ASMTL: variants seen among roughly 807,000 people sequenced by gnomAD.
The protein encoded by ASMTL is probable bifunctional dTTP/UTP pyrophosphatase/methyltransferase protein.
A neutral mutation model predicts 60.3 loss-of-function variants in ASMTL; 57 were observed. The observed-to-expected ratio is 0.95, with a 90% CI of 0.76 to 1.18. ASMTL has a LOEUF of 1.18. ASMTL is among the 50% of genes most tolerant of loss of function. The pLI is 0.00. For missense variants in ASMTL, 981 were observed against 852.6 expected (o/e 1.15, Z -1.88); for synonymous variants, 419 against 373.0 (o/e 1.12, Z -1.42).
At chrX:1,404,621 G>A (rs1446349737) in intron 12 of ASMTL, among the ~76,000 whole-genome samples, 5 of 149,742 alleles carry the variant, frequency 3.3e-5, no homozygotes, top group African/African-American at 7.6e-5. Flanking sequence ...GTAGGTAGAC[G>A]AATGGACGGA....
chrX:1,426,500 G>A (rs1206866238), intron 7 of ASMTL, among the ~76,000 whole-genome samples: 1 of 152,174 alleles, frequency 6.6e-6, no homozygotes, highest in African/African-American at 2.4e-5. Flanking sequence ...CTGGTGTTGG[G>A]AGGGCTGCAT....
At chrX:1,425,413 G>T in intron 8 of ASMTL, 112 bp downstream of exon 8, 1 of 1,232,632 alleles carries the variant, frequency 8.1e-7, no homozygotes. Flanking sequence ...TGAGGGCAGA[G>T]GGACAGAAGG....
chrX:1,429,100 G>C (rs2090700200), intron 6 of ASMTL, among the ~76,000 whole-genome samples: 2 of 151,612 alleles, frequency 1.3e-5, no homozygotes, highest in African/African-American at 4.8e-5. Context: ...TCACCATGTT[G>C]GCCACGATGG....
intron 6 of ASMTL, among the ~76,000 whole-genome samples, chrX:1,428,948 G>A (rs2090696298): frequency 1.3e-5 from 2 of 151,256 alleles, no homozygotes; most frequent in South Asian, 4.2e-4. Flanking sequence ...CCAGGCTGGA[G>A]TGCAGTGGCG....
intron 8 of ASMTL, among the ~76,000 whole-genome samples, chrX:1,423,882 A>T (rs2090541359): frequency 6.7e-6 from 1 of 150,040 alleles, no homozygotes. Context: ...CCACTCATCC[A>T]TCCATCCACC....
chrX:1,446,413 C>T (rs1417392101), intron 1 of ASMTL, among the ~76,000 whole-genome samples: 1 of 151,954 alleles, frequency 6.6e-6, no homozygotes, highest in Non-Finnish European at 1.5e-5. Context: ...ATCTCTTTGT[C>T]TTGTGTCTTT....
chrX:1,419,232 C>G, intron 9 of ASMTL, 118 bp from the exon 10 acceptor site: 1 of 1,179,478 alleles, frequency 8.5e-7, no homozygotes, highest in Non-Finnish European at 1.2e-6. Context: ...CTCAGCCGCG[C>G]CTGGGCTGCA....
At chrX:1,423,090 C>T (rs1313217889) in intron 8 of ASMTL, among the ~76,000 whole-genome samples, 2 of 152,058 alleles carry the variant, frequency 1.3e-5, no homozygotes, top group East Asian at 3.9e-4. Flanking sequence ...GTAGCTGGGA[C>T]TACAGGCACC....
At chrX:1,450,426 C>T (rs377645124) in intron 1 of ASMTL, among the ~76,000 whole-genome samples, 6 of 151,280 alleles carry the variant, frequency 4.0e-5, no homozygotes, top group African/African-American at 1.5e-4. Context: ...CACTCCCCTC[C>T]CCCACCCCTA....
chrX:1,449,834 C>T (rs756242369), intron 1 of ASMTL, among the ~76,000 whole-genome samples: 2 of 148,904 alleles, frequency 1.3e-5, no homozygotes, highest in South Asian at 2.2e-4. Context: ...CCTCCCATCA[C>T]CAGTAACTAT....
chrX:1,448,582 C>T (rs1233578397), intron 1 of ASMTL, among the ~76,000 whole-genome samples: 1 of 151,016 alleles, frequency 6.6e-6, no homozygotes, highest in South Asian at 2.1e-4. Context: ...TGGACACACA[C>T]CATCTTGGAC....
intron 12 of ASMTL, among the ~76,000 whole-genome samples, chrX:1,405,071 GA>G (rs1341505284): frequency 6.6e-6 from 1 of 151,786 alleles, no homozygotes; most frequent in Non-Finnish European, 1.5e-5. Context: ...TGAATGGATG[GA>G]TAGATGGATG....
intron 11 of ASMTL, chrX:1,413,872 G>C (rs1183512148): frequency 6.6e-6 from 1 of 151,564 alleles, no homozygotes; most frequent in Non-Finnish European, 1.5e-5. Context: ...GGAGCTGGAA[G>C]AGGCGGGAAG....
At chrX:1,440,077 A>G (rs1569534499) in intron 2 of ASMTL, among the ~76,000 whole-genome samples, 1 of 146,702 alleles carries the variant, frequency 6.8e-6, no homozygotes, top group Non-Finnish European at 1.5e-5. Flanking sequence ...CCTCTAATGT[A>G]TTTCTTTCTT....
At chrX:1,404,684 G>GGGCA (rs1729748900) in intron 12 of ASMTL, among the ~76,000 whole-genome samples, 17 of 9,262 alleles carry the variant, frequency 1.8e-3, no homozygotes, top group African/African-American at 2.3e-3. Flanking sequence ...GGTAGATGAT[G>GGGCA]GGTAGGTAGA....
intron 9 of ASMTL, 93 bp downstream of exon 9, chrX:1,421,561 GAGAC>G: frequency 1.5e-6 from 2 of 1,327,356 alleles, no homozygotes; most frequent in Non-Finnish European, 2.1e-6. Context: ...TGTCAGACTG[GAGAC>G]AGACTGGTCA....
chrX:1,451,959 GC>G (rs1344850780), intron 1 of ASMTL, among the ~76,000 whole-genome samples: 2 of 148,784 alleles, frequency 1.3e-5, no homozygotes, highest in African/African-American at 2.5e-5. Context: ...CATGCCTAGG[GC>G]GTCCTGGGTT....
intron 11 of ASMTL, among the ~76,000 whole-genome samples, chrX:1,413,321 C>T (rs1317959934): frequency 6.6e-6 from 1 of 151,492 alleles, no homozygotes; most frequent in African/African-American, 2.4e-5. Context: ...GAGATCGCGC[C>T]ATCGCACTCC....
At chrX:1,427,472 C>G (rs2090641516) in intron 7 of ASMTL, among the ~76,000 whole-genome samples, 2 of 151,212 alleles carry the variant, frequency 1.3e-5, no homozygotes, top group Non-Finnish European at 2.9e-5. Flanking sequence ...GGAGGAGACA[C>G]AGACACAGTG....
Sources: gnomAD v4.1 joint callset for allele counts (sites outside exome capture counted in the v4.1 genomes callset) on GRCh38, gnomAD v4.1.1 for gene constraint, MANE v1.5 for transcripts, NCBI Gene and HGNC (gene_info 2026-07-23, HGNC 2026-07-21) for gene names.